GRAMD1B: variants seen among roughly 807,000 people sequenced by gnomAD.
GRAMD1B encodes the protein protein Aster-B.
Under a neutral mutation model 99.7 loss-of-function variants are expected in GRAMD1B, and 37 were observed. That is an observed-to-expected ratio of 0.37 (90% CI 0.29 to 0.49). The LOEUF is 0.49. Ranked by LOEUF, GRAMD1B falls within the 20% of genes least tolerant of loss-of-function variation. The pLI is 0.98. For missense variants in GRAMD1B, 888 were observed against 1,009.2 expected, an observed-to-expected ratio of 0.88 and a Z score of 1.63; for synonymous variants, 427 against 387.6, an observed-to-expected ratio of 1.10 and a Z score of -1.19.
chr11:123,490,120 A>G (rs1348373978), intron 2 of GRAMD1B, among the ~76,000 whole-genome samples: 2 of 152,232 alleles, frequency 1.3e-5, no homozygotes, highest in Non-Finnish European at 2.9e-5. Context: ...TGAAGGGACA[A>G]TATTAAACAC....
chr11:123,508,595 T>C (rs1232656496), intron 2 of GRAMD1B, among the ~76,000 whole-genome samples: 2 of 152,228 alleles, frequency 1.3e-5, no homozygotes, highest in Non-Finnish European at 2.9e-5. Flanking sequence ...TGGGAAACTC[T>C]TTCCTAGTCT....
At chr11:123,609,680 T>G in intron 12 of GRAMD1B, 115 bp from the exon 13 acceptor site, 5 of 637,628 alleles carry the variant, frequency 7.8e-6, no homozygotes, top group South Asian at 2.0e-5. Flanking sequence ...TTGGCTTCCT[T>G]TTGGGGGCCA....
At chr11:123,543,802 C>T (rs1279440554) in intron 2 of GRAMD1B, among the ~76,000 whole-genome samples, 4 of 152,170 alleles carry the variant, frequency 2.6e-5, no homozygotes, top group African/African-American at 7.2e-5. Context: ...AACTTCAGCC[C>T]GCTGCCTGTT....
At chr11:123,581,756 T>C (rs1592118832) in intron 3 of GRAMD1B, among the ~76,000 whole-genome samples, 1 of 152,214 alleles carries the variant, frequency 6.6e-6, no homozygotes, top group African/African-American at 2.4e-5. Context: ...ACATTAGATA[T>C]AAGAGCATCA....
intron 1 of GRAMD1B, among the ~76,000 whole-genome samples, chr11:123,376,698 T>G (rs1053679007): frequency 6.6e-6 from 1 of 152,226 alleles, no homozygotes; most frequent in Non-Finnish European, 1.5e-5. Flanking sequence ...CTTTTTTTGC[T>G]TTTAATTGCC....
chr11:123,534,598 C>T (rs1299356137), intron 2 of GRAMD1B, among the ~76,000 whole-genome samples: 1 of 152,126 alleles, frequency 6.6e-6, no homozygotes, highest in African/African-American at 2.4e-5. Flanking sequence ...CGCAGTGGCT[C>T]ATGCTTGTAA....
rs191991231 is a variant in GRAMD1B at position 123,545,908 on chromosome 11, C to G, written c.453-31459C>G. 3.7e-3 allele frequency among the ~76,000 whole-genome samples: 565 copies of G among 152,336 alleles called. 3 individuals are homozygous for G. The highest frequency in any genetic ancestry group is 0.013 in the African/African-American group (528 of 41,576). On this transcript the variant is annotated intron_variant, in intron 2 of 19. Transcript: ENST00000635736. The stretch of plus-strand genomic sequence containing the variant: ...AGCCCAGGCTAGTCCTCAGTTCAGT[C>G]TGCGTGACTTGTTCTGCAAAGGCAG...
chr11:123,486,058 C>T (rs1046865055), intron 2 of GRAMD1B, among the ~76,000 whole-genome samples: 6 of 152,124 alleles, frequency 3.9e-5, no homozygotes, highest in Non-Finnish European at 7.4e-5. Context: ...TGTTACTCAA[C>T]CCTCAACCTT....
At position 123,377,992 on chromosome 11, in the gene GRAMD1B, T is replaced by C. The variant is rs574245029; in HGVS notation, c.-176+19193T>C. ...GGTGCTCAGCACACTCTGTCCTTTTTTCCCTGTTAGCATAGGTATATTTCT... is the reference window on the plus strand; with the variant it reads ...GGTGCTCAGCACACTCTGTCCTTTTCTCCCTGTTAGCATAGGTATATTTCT... On this transcript the variant is annotated intron_variant, in intron 1 of 20. Transcript: ENST00000638157. 3.3e-4 allele frequency among the ~76,000 whole-genome samples: 51 copies of C among 152,336 alleles called. No individual in the cohort carries two copies. The South Asian group carries it at 1.0e-2, about 30-fold the overall frequency.
chr11:123,618,438 C>G (rs1191767327), intron 17 of GRAMD1B: 1 of 1,276,830 alleles, frequency 7.8e-7, no homozygotes, highest in African/African-American at 1.5e-5. Flanking sequence ...TGCCCAGGTT[C>G]TGGGTGCCTA....
intron 16 of GRAMD1B, 31 bp downstream of exon 16, chr11:123,613,689 A>G: frequency 6.4e-7 from 1 of 1,574,686 alleles, no homozygotes; most frequent in East Asian, 2.3e-5. Context: ...GGTCGGGTGG[A>G]CTAAGCTTTG....
chr11:123,528,649 A>G (rs1337328737), intron 2 of GRAMD1B, among the ~76,000 whole-genome samples: 2 of 151,970 alleles, frequency 1.3e-5, no homozygotes, highest in Non-Finnish European at 2.9e-5. Flanking sequence ...CCTCTTCTCT[A>G]GTATAATTTC....
At chr11:123,445,818 CA>C (rs36123733) in intron 1 of GRAMD1B, among the ~76,000 whole-genome samples, 1,713 of 94,104 alleles carry the variant, frequency 0.018, 11 homozygotes, top group South Asian at 0.031. Context: ...CACTTGTCTC[CA>C]AAAAAAAAAA....
chr11:123,607,681 A>C (rs566412037), intron 11 of GRAMD1B: 18 of 37,502 alleles, frequency 4.8e-4, no homozygotes, highest in African/African-American at 1.5e-3. Flanking sequence ...GTGCAGTCAT[A>C]GGACTTGACC....
intron 1 of GRAMD1B, among the ~76,000 whole-genome samples, chr11:123,471,637 G>C (rs998661665): frequency 6.6e-6 from 1 of 152,150 alleles, no homozygotes; most frequent in Admixed American, 6.5e-5. Context: ...TATTGTCGTT[G>C]GTCTTGGTGT....
At chr11:123,569,096 C>T (rs1457961577) in intron 2 of GRAMD1B, among the ~76,000 whole-genome samples, 1 of 148,398 alleles carries the variant, frequency 6.7e-6, no homozygotes, top group Non-Finnish European at 1.5e-5. Flanking sequence ...TCTGTTAACT[C>T]CTTGGTGGAC....
intron 2 of GRAMD1B, among the ~76,000 whole-genome samples, chr11:123,545,435 G>A (rs1462086261): frequency 6.6e-6 from 1 of 152,168 alleles, no homozygotes; most frequent in Non-Finnish European, 1.5e-5. Flanking sequence ...GAATCATGTG[G>A]GGACCTAGTC....
At chr11:123,589,141 A>G (rs1454247755) in intron 4 of GRAMD1B, among the ~76,000 whole-genome samples, 3 of 151,256 alleles carry the variant, frequency 2.0e-5, no homozygotes, top group Admixed American at 6.6e-5. Context: ...TTGCGGCATC[A>G]TGTTGGGGCT....
At chr11:123,599,104 G>A (rs1245033421) in intron 7 of GRAMD1B, 6 of 861,950 alleles carry the variant, frequency 7.0e-6, no homozygotes, top group East Asian at 2.4e-5. Flanking sequence ...GGATTCTCTC[G>A]AGCCTTCAGG....
Sources: gnomAD v4.1 joint callset for allele counts (sites outside exome capture counted in the v4.1 genomes callset) on GRCh38, gnomAD v4.1.1 for gene constraint, MANE v1.5 for transcripts, NCBI Gene and HGNC (gene_info 2026-07-23, HGNC 2026-07-21) for gene names.